PIWIL2: variants seen among roughly 807,000 people sequenced by gnomAD.
The protein encoded by PIWIL2 is piwi like RNA-mediated gene silencing 2.
PIWIL2 carries 81 observed loss-of-function variants against 116.5 expected under a neutral mutation model. The ratio of observed to expected loss-of-function variants is 0.70; its 90% CI spans 0.58 to 0.84. The LOEUF is 0.84. Among genes scored for constraint, PIWIL2 ranks in the 40% least tolerant of loss-of-function variants. PIWIL2 has a pLI of 0.00. For missense variants in PIWIL2, 1,272 were observed against 1,212.3 expected (o/e 1.05, Z -0.73); for synonymous variants, 489 against 429.5 (o/e 1.14, Z -1.71).
chr8:22,351,373 T>G (rs1168122081), intron 20 of PIWIL2, among the ~76,000 whole-genome samples: 2 of 142,158 alleles, frequency 1.4e-5, no homozygotes, highest in African/African-American at 5.1e-5. Context: ...AAGTGCTTAT[T>G]TTTTTAAAGT....
intron 10 of PIWIL2, among the ~76,000 whole-genome samples, chr8:22,291,922 C>G (rs978557068): frequency 6.6e-6 from 1 of 152,038 alleles, no homozygotes; most frequent in African/African-American, 2.4e-5. Context: ...AGAAAAAGAG[C>G]ACACGGTCAG....
chr8:22,351,876 C>T (rs1586603292), intron 20 of PIWIL2, among the ~76,000 whole-genome samples: 1 of 151,322 alleles, frequency 6.6e-6, no homozygotes, highest in African/African-American at 2.4e-5. Flanking sequence ...TGAACACAAA[C>T]TTAGAATGAA....
chr8:22,290,451 T>A (rs1178774304), intron 10 of PIWIL2, 105 bp downstream of exon 10: 1 of 657,200 alleles, frequency 1.5e-6, no homozygotes, highest in African/African-American at 1.8e-5. Flanking sequence ...TTGTTTGTTT[T>A]TTCCCCCAGA....
chr8:22,315,204 C>G, intron 18 of PIWIL2, 59 bp downstream of exon 18: 4 of 950,154 alleles, frequency 4.2e-6, no homozygotes, highest in Non-Finnish European at 6.9e-6. Context: ...AGCTGTTTTC[C>G]TGTTTTTCCT....
chr8:22,349,898 A>G (rs528670314), intron 20 of PIWIL2, among the ~76,000 whole-genome samples: 1 of 152,332 alleles, frequency 6.6e-6, no homozygotes, highest in Admixed American at 6.5e-5. Flanking sequence ...TCTACTCAAG[A>G]TGGAAGCAAG....
intron 16 of PIWIL2, 26 bp downstream of exon 16, chr8:22,311,326 A>T (rs1213264459): frequency 1.9e-6 from 3 of 1,551,504 alleles, no homozygotes; most frequent in East Asian, 4.5e-5. Context: ...AAATAAATTT[A>T]TAGGATGTCC....
intron 12 of PIWIL2, among the ~76,000 whole-genome samples, chr8:22,305,143 C>T (rs1186547917): frequency 6.6e-6 from 1 of 151,764 alleles, no homozygotes; most frequent in African/African-American, 2.4e-5. Flanking sequence ...GATTAAAACT[C>T]TGAATCCATG....
At chr8:22,351,440 CATATATATATATA>C (rs1832353456) in intron 20 of PIWIL2, among the ~76,000 whole-genome samples, 2 of 52,956 alleles carry the variant, frequency 3.8e-5, no homozygotes, top group African/African-American at 1.1e-4. Flanking sequence ...TGCATACATA[CATATATATATATA>C]TATATATATA....
intron 10 of PIWIL2, among the ~76,000 whole-genome samples, chr8:22,300,276 A>G (rs1002977404): frequency 6.6e-6 from 1 of 151,874 alleles, no homozygotes; most frequent in Non-Finnish European, 1.5e-5. Flanking sequence ...CCTGCCTGCT[A>G]TTGTTTTTTG....
At chr8:22,345,707 A>G (rs548446102) in intron 20 of PIWIL2, among the ~76,000 whole-genome samples, 38 of 152,290 alleles carry the variant, frequency 2.5e-4, no homozygotes, top group African/African-American at 8.9e-4. Flanking sequence ...AATGTCCACA[A>G]ATTGATGAAT....
intron 20 of PIWIL2, among the ~76,000 whole-genome samples, chr8:22,336,919 A>G (rs1307377562): frequency 1.3e-5 from 2 of 152,218 alleles, no homozygotes; most frequent in African/African-American, 4.8e-5. Flanking sequence ...GAGCGGTAAC[A>G]TTGCCACTGA....
chr8:22,351,002 A>G (rs1048816822), intron 20 of PIWIL2, among the ~76,000 whole-genome samples: 1 of 152,020 alleles, frequency 6.6e-6, no homozygotes, highest in African/African-American at 2.4e-5. Context: ...TTAGCCAGGC[A>G]TGGTGGTGCA....
In PIWIL2 at chr8:22,304,005, T is replaced by C. The variant is rs1292202591; in HGVS notation, c.1182-16T>C. ...ATATATACTGTGATCCAAAAGTCTT[T>C]TATCTCTTTCCAAAGGCATGCCATT... On this transcript the variant is annotated splice_polypyrimidine_tract_variant and intron_variant, in intron 10 of 22. Coordinates refer to ENST00000356766, the MANE Select transcript of PIWIL2 (RefSeq NM_018068.5). 6.3e-7 allele frequency: 1 copy of C among 1,588,478 alleles called. No individual in the cohort carries two copies. The highest frequency in any genetic ancestry group is 1.1e-5 in the South Asian group (1 of 88,642).
At chr8:22,304,290 A>G (rs1346333251) in intron 11 of PIWIL2, 81 bp downstream of exon 11, 4 of 817,712 alleles carry the variant, frequency 4.9e-6, no homozygotes, top group East Asian at 2.4e-5. Flanking sequence ...TGAGTTCTGC[A>G]ATAGCATACC....
chr8:22,303,455 T>TATC (rs2132028768), intron 10 of PIWIL2, among the ~76,000 whole-genome samples: 1 of 152,314 alleles, frequency 6.6e-6, no homozygotes, highest in African/African-American at 2.4e-5. Context: ...GCAGTGATGC[T>TATC]ATCATAGCTC....
chr8:22,280,115 T>G (rs539774474), intron 2 of PIWIL2, among the ~76,000 whole-genome samples: 2 of 152,332 alleles, frequency 1.3e-5, no homozygotes, highest in East Asian at 1.9e-4. Flanking sequence ...CTAGATGGAC[T>G]TGGTAAGTAC....
intron 20 of PIWIL2, among the ~76,000 whole-genome samples, chr8:22,344,383 A>G (rs1484373547): frequency 6.6e-6 from 1 of 152,236 alleles, no homozygotes; most frequent in Non-Finnish European, 1.5e-5. Flanking sequence ...GTGTACCATA[A>G]TGCAATATGA....
At chr8:22,284,362 G>A (rs777979995) in intron 6 of PIWIL2, 90 bp downstream of exon 6, 16 of 627,086 alleles carry the variant, frequency 2.6e-5, no homozygotes, top group Non-Finnish European at 3.8e-5. Context: ...GTCCTGGACA[G>A]TTCCTGGTGG....
chr8:22,288,196 G>T (rs182005540), intron 7 of PIWIL2, among the ~76,000 whole-genome samples: 9 of 151,788 alleles, frequency 5.9e-5, no homozygotes, highest in Non-Finnish European at 8.8e-5. Context: ...TACTCAGGAG[G>T]CTGAGGCAGG....
Sources: gnomAD v4.1 joint callset for allele counts (sites outside exome capture counted in the v4.1 genomes callset) on GRCh38, gnomAD v4.1.1 for gene constraint, MANE v1.5 for transcripts, NCBI Gene and HGNC (gene_info 2026-07-23, HGNC 2026-07-21) for gene names.